ROBO1: variants seen among roughly 807,000 people sequenced by gnomAD.
ROBO1 encodes roundabout guidance receptor 1, also known as roundabout homolog 1.
In ROBO1, 149 loss-of-function variants were observed where a neutral mutation model predicts 195.9. The observed-to-expected ratio is 0.76, with a 90% confidence interval of 0.67 to 0.87. The LOEUF (loss-of-function observed/expected upper bound fraction) is 0.87, where lower values mean the gene tolerates loss of function less well. ROBO1 is among the 40% of genes least tolerant of loss of function. The probability of loss-of-function intolerance (pLI) is 0.00; values close to 1 mark genes in which losing one functional copy is unlikely to be tolerated. For synonymous variants in ROBO1, 816 were observed against 733.2 expected (o/e 1.11, Z -1.82); for missense variants, 1,933 against 2,068.3 (o/e 0.93, Z 1.27).
chr3:78,895,645 T>C (rs1484379785), intron 4 of ROBO1, among the ~76,000 whole-genome samples: 1 of 150,620 alleles, frequency 6.6e-6, no homozygotes, highest in Admixed American at 6.6e-5. Flanking sequence ...AGAAAAATGA[T>C]TTGTTCTTTG....
chr3:79,473,236 G>C (rs918032272), intron 2 of ROBO1, among the ~76,000 whole-genome samples: 1 of 152,082 alleles, frequency 6.6e-6, no homozygotes, highest in African/African-American at 2.4e-5. Flanking sequence ...CAGATACAGA[G>C]AGAAGACCAT....
At chr3:79,158,696 T>C (rs2080901299) in intron 2 of ROBO1, among the ~76,000 whole-genome samples, 1 of 151,900 alleles carries the variant, frequency 6.6e-6, no homozygotes, top group Non-Finnish European at 1.5e-5. Flanking sequence ...CATATATCTT[T>C]TCACCATGTT....
intron 1 of ROBO1, among the ~76,000 whole-genome samples, chr3:79,636,870 A>G (rs1193412967): frequency 1.3e-5 from 2 of 152,202 alleles, no homozygotes; most frequent in African/African-American, 2.4e-5. Flanking sequence ...AAAAAGCCGA[A>G]CTATGAAGGA....
At chr3:79,687,687 G>T (rs577680391) in intron 1 of ROBO1, among the ~76,000 whole-genome samples, 10 of 152,094 alleles carry the variant, frequency 6.6e-5, no homozygotes, top group South Asian at 4.2e-4. Flanking sequence ...CTCACACCAG[G>T]TAGAATGGTG....
At chr3:78,947,117 G>A (rs1029707918) in intron 3 of ROBO1, among the ~76,000 whole-genome samples, 1 of 147,486 alleles carries the variant, frequency 6.8e-6, no homozygotes, top group East Asian at 1.9e-4. Flanking sequence ...AGATCAACAA[G>A]ACAGAAAGTT....
chr3:78,633,806 C>G, intron 24 of ROBO1, 129 bp downstream of exon 24: 1 of 505,270 alleles, frequency 2.0e-6, no homozygotes. Context: ...AAGACACATG[C>G]CTGAGACTCA....
intron 8 of ROBO1, chr3:78,693,156 T>C (rs2081212964): frequency 4.7e-6 from 3 of 633,928 alleles, no homozygotes; most frequent in South Asian, 2.6e-5. Flanking sequence ...CCCCGTTACC[T>C]TTACTCTTTT....
chr3:78,820,865 C>A (rs115652772), intron 4 of ROBO1, among the ~76,000 whole-genome samples: 1 of 152,108 alleles, frequency 6.6e-6, no homozygotes, highest in Non-Finnish European at 1.5e-5. Context: ...TGTTCTAGCA[C>A]CCTTTCAAGA....
At chr3:79,503,713 A>C (rs975835725) in intron 2 of ROBO1, among the ~76,000 whole-genome samples, 2 of 152,202 alleles carry the variant, frequency 1.3e-5, no homozygotes, top group African/African-American at 4.8e-5. Context: ...TGTCTCTGAG[A>C]AATCTGTTTT....
chr3:79,260,727 G>T (rs1161576452), intron 2 of ROBO1, among the ~76,000 whole-genome samples: 2 of 152,064 alleles, frequency 1.3e-5, no homozygotes, highest in African/African-American at 4.8e-5. Flanking sequence ...GCTGTCTTCT[G>T]CTCAATTGTA....
chr3:78,611,332 A>T (rs892895999), intron 28 of ROBO1, among the ~76,000 whole-genome samples: 2 of 152,224 alleles, frequency 1.3e-5, no homozygotes, highest in Non-Finnish European at 2.9e-5. Context: ...TTTTTAAATC[A>T]ACTATGTAAA....
intron 3 of ROBO1, among the ~76,000 whole-genome samples, chr3:78,949,541 C>T (rs1223636865): frequency 3.3e-5 from 5 of 152,044 alleles, no homozygotes; most frequent in Admixed American, 1.3e-4. Flanking sequence ...AATGTTAGAC[C>T]TAAAACCATA....
intron 29 of ROBO1, among the ~76,000 whole-genome samples, chr3:78,603,504 T>G (rs893306101): frequency 6.6e-6 from 1 of 152,168 alleles, no homozygotes; most frequent in African/African-American, 2.4e-5. Flanking sequence ...TTTATGCTTA[T>G]ACATAAATCT....
chr3:79,187,657 G>T (rs2081465357), intron 2 of ROBO1, among the ~76,000 whole-genome samples: 2 of 151,914 alleles, frequency 1.3e-5, no homozygotes, highest in Admixed American at 6.6e-5. Flanking sequence ...AGCTCACTCT[G>T]CCAGAATTTC....
intron 1 of ROBO1, among the ~76,000 whole-genome samples, chr3:79,715,606 C>G (rs1215219506): frequency 6.6e-6 from 1 of 152,108 alleles, no homozygotes; most frequent in East Asian, 1.9e-4. Context: ...ATGTGACTCA[C>G]TTTATGGTGA....
chr3:79,578,148 C>A (rs1943554298), intron 2 of ROBO1, among the ~76,000 whole-genome samples: 1 of 152,040 alleles, frequency 6.6e-6, no homozygotes, highest in Non-Finnish European at 1.5e-5. Context: ...ACTGACAACA[C>A]CAATTTCTCA....
At chr3:78,986,068 C>T (rs1271714066) in intron 3 of ROBO1, among the ~76,000 whole-genome samples, 1 of 152,184 alleles carries the variant, frequency 6.6e-6, no homozygotes, top group Non-Finnish European at 1.5e-5. Flanking sequence ...GGCATCTCAT[C>T]TTCTCCAGAG....
chr3:79,618,630 C>G (rs1412759871), intron 1 of ROBO1, among the ~76,000 whole-genome samples: 1 of 152,234 alleles, frequency 6.6e-6, no homozygotes, highest in East Asian at 1.9e-4. Flanking sequence ...TTGCTGACTC[C>G]TTTTTCAGAC....
chr3:79,618,304 T>C (rs7429251), intron 1 of ROBO1, among the ~76,000 whole-genome samples: 86,863 of 151,932 alleles, frequency 0.57, 26,274 homozygotes, highest in East Asian at 0.89. Flanking sequence ...AAAAAACAAA[T>C]CTTATTGTCA....
Sources: allele counts gnomAD v4.1 joint callset (sites outside exome capture counted in the v4.1 genomes callset), GRCh38; gene constraint gnomAD v4.1.1; transcripts MANE v1.5; gene names NCBI Gene and HGNC (gene_info 2026-07-23, HGNC 2026-07-21).